Variants in CLPB observed in about 807,000 individuals in gnomAD.
The protein encoded by CLPB is ClpB family mitochondrial disaggregase, also known as mitochondrial disaggregase.
A neutral mutation model predicts 78.4 loss-of-function variants in CLPB; 40 were observed. The observed-to-expected ratio is 0.51, with a 90% CI of 0.40 to 0.66. The LOEUF is 0.66. CLPB is among the 30% of genes least tolerant of loss of function. The pLI, the probability that CLPB is intolerant of heterozygous loss-of-function variation, is 0.00. For missense variants in CLPB, 780 were observed against 886.9 expected (o/e 0.88, Z 1.53); for synonymous variants, 333 against 348.0 (o/e 0.96, Z 0.48).
intron 5 of CLPB, among the ~76,000 whole-genome samples, chr11:72,347,320 A>G (rs1306691044): frequency 6.6e-6 from 1 of 152,112 alleles, no homozygotes; most frequent in Non-Finnish European, 1.5e-5. Context: ...CAACTCAGCT[A>G]GGCAAGGTGG....
In CLPB at chr11:72,313,730, A is replaced by G. The variant is rs72968900; in HGVS notation, c.988+3376T>C. Reference sequence around the variant, plus strand: ...ACATGAGATATTTCGATATAGGCATACAATCCATAATAATTACATCAAGGT... The same window carrying G: ...ACATGAGATATTTCGATATAGGCATGCAATCCATAATAATTACATCAAGGT... On this transcript the variant is annotated intron_variant, in intron 7 of 15. Coordinates refer to ENST00000538039, the MANE Select transcript of CLPB (RefSeq NM_001258392.3). Among the ~76,000 whole-genome samples the G allele has an allele frequency of 7.7e-3, 1,172 of 152,364 alleles. 6 individuals carry two copies. Among genetic ancestry groups the G allele is most frequent in the Middle Eastern group, 0.02 (6 of 294 alleles).
At chr11:72,422,786 TGTATTTACCAGCCAGG>T (rs1160999993) in intron 2 of CLPB, among the ~76,000 whole-genome samples, 1 of 152,164 alleles carries the variant, frequency 6.6e-6, no homozygotes, top group South Asian at 2.1e-4. Context: ...GACAGCCAAA[TGTATTTACCAGCCAGG>T]GTTTTGTTAA....
intron 6 of CLPB, among the ~76,000 whole-genome samples, chr11:72,324,196 GT>G (rs1302479354): frequency 6.6e-6 from 1 of 152,126 alleles, no homozygotes; most frequent in African/African-American, 2.4e-5. Context: ...GGTGTGTCTT[GT>G]ATGTGAAAAT....
chr11:72,325,000 C>T (rs1348104205), intron 6 of CLPB, among the ~76,000 whole-genome samples: 2 of 151,656 alleles, frequency 1.3e-5, no homozygotes, highest in African/African-American at 2.4e-5. Flanking sequence ...ATATTCCTGC[C>T]GATGCATTCT....
At chr11:72,336,817 G>A (rs898314145) in intron 5 of CLPB, 6 of 345,770 alleles carry the variant, frequency 1.7e-5, no homozygotes, top group Non-Finnish European at 3.1e-5. Flanking sequence ...CATTGAGAGA[G>A]AGAGTGGCAG....
chr11:72,434,293 G>A lies in CLPB; in HGVS notation c.182C>T (p.Ala61Val), dbSNP rs767517671. 2 of 1,612,198 alleles carry A rather than the reference G, an allele frequency of 1.2e-6. No homozygotes were observed. Among genetic ancestry groups the A allele is most frequent in the African/African-American group, 1.3e-5 (1 of 74,834 alleles). The change falls in exon 1 of 16, where the codon GCC (alanine) becomes GTC (valine). Residue 61 changes from alanine (A) to valine (V), a missense_variant. This residue lies in a region of CLPB where 417 missense variants were observed against 414.7 expected (regional missense o/e 1.01). Coordinates refer to ENST00000538039, the MANE Select transcript of CLPB (RefSeq NM_001258392.3). ...ATGGRPGTSP[A>V]LFSGRGAATG... ...GGCTGCCCCACGTCCGGAGAACAAG[G>A]CCGGCGATGTTCCAGGGCGCCCCCC...
At chr11:72,372,205 C>T (rs919687487) in intron 4 of CLPB, among the ~76,000 whole-genome samples, 1 of 152,102 alleles carries the variant, frequency 6.6e-6, no homozygotes, top group African/African-American at 2.4e-5. Flanking sequence ...TGGTTTGCTA[C>T]CAGAGGAAAG....
intron 4 of CLPB, among the ~76,000 whole-genome samples, chr11:72,374,691 T>C (rs1240588057): frequency 5.3e-5 from 8 of 152,112 alleles, no homozygotes; most frequent in Admixed American, 5.2e-4. Flanking sequence ...GGCAAAGAAG[T>C]TTCTTTCCTC....
At chr11:72,431,250 C>T (rs971070190) in intron 1 of CLPB, among the ~76,000 whole-genome samples, 4 of 152,156 alleles carry the variant, frequency 2.6e-5, no homozygotes, top group African/African-American at 9.7e-5. Context: ...AGCTCAATAC[C>T]AGGTACATGG....
chr11:72,405,694 C>T (rs2135092138), intron 2 of CLPB, among the ~76,000 whole-genome samples: 1 of 152,196 alleles, frequency 6.6e-6, no homozygotes, highest in South Asian at 2.1e-4. Context: ...TTTAGGAGGC[C>T]AAGGCAGGTG....
chr11:72,320,086 C>A (rs1462064972), intron 6 of CLPB, among the ~76,000 whole-genome samples: 2 of 152,218 alleles, frequency 1.3e-5, no homozygotes, highest in Non-Finnish European at 2.9e-5. Context: ...TCTAGAGGTG[C>A]CTCCACTGCC....
At chr11:72,432,020 A>C (rs1023061252) in intron 1 of CLPB, among the ~76,000 whole-genome samples, 1 of 152,202 alleles carries the variant, frequency 6.6e-6, no homozygotes, top group Non-Finnish European at 1.5e-5. Context: ...TTCCCTGCTC[A>C]TGAACCTTCC....
chr11:72,303,339 G>A (rs1949692962), intron 9 of CLPB, among the ~76,000 whole-genome samples: 1 of 152,216 alleles, frequency 6.6e-6, no homozygotes, highest in African/African-American at 2.4e-5. Flanking sequence ...GAAATCCAGG[G>A]CTATATTCTA....
chr11:72,385,178 T>C (rs1855038993), intron 3 of CLPB, among the ~76,000 whole-genome samples: 1 of 152,226 alleles, frequency 6.6e-6, no homozygotes, highest in African/African-American at 2.4e-5. Context: ...CTACTGTTTA[T>C]AGATTGGCAA....
intron 5 of CLPB, among the ~76,000 whole-genome samples, chr11:72,335,147 G>A (rs1357084891): frequency 6.6e-6 from 1 of 152,086 alleles, no homozygotes; most frequent in Non-Finnish European, 1.5e-5. Flanking sequence ...GTGGGTGGTC[G>A]TGGGGCTGAT....
intron 6 of CLPB, among the ~76,000 whole-genome samples, chr11:72,322,556 G>C (rs1950062782): frequency 6.6e-6 from 1 of 152,196 alleles, no homozygotes; most frequent in Non-Finnish European, 1.5e-5. Flanking sequence ...GAGTAAACTA[G>C]AGAAGGAAAA....
At chr11:72,415,147 C>T (rs1855983087) in intron 2 of CLPB, among the ~76,000 whole-genome samples, 1 of 152,044 alleles carries the variant, frequency 6.6e-6, no homozygotes, top group Non-Finnish European at 1.5e-5. Flanking sequence ...ACCCGGGAGG[C>T]GTGGGTTGCA....
At chr11:72,383,248 G>A (rs1854970690) in intron 3 of CLPB, among the ~76,000 whole-genome samples, 1 of 151,940 alleles carries the variant, frequency 6.6e-6, no homozygotes, top group Admixed American at 6.6e-5. Flanking sequence ...AGACAGGCTG[G>A]GTGCGGTGGC....
intron 5 of CLPB, chr11:72,333,041 T>C (rs146598831): frequency 1.3e-5 from 2 of 152,312 alleles, no homozygotes; most frequent in Non-Finnish European, 2.9e-5. Context: ...TGCTCGGTAC[T>C]TTCTGAGGGA....
Sources: gnomAD v4.1 joint callset for allele counts (sites outside exome capture counted in the v4.1 genomes callset) on GRCh38, gnomAD v4.1.1 for gene constraint, gnomAD v4.1.1 regional missense constraint, MANE v1.5 for transcripts, NCBI Gene and HGNC (gene_info 2026-07-23, HGNC 2026-07-21) for gene names.